The following DYNC2H1 variants were observed in gnomAD, a reference collection of about 807,000 sequenced individuals.
DYNC2H1 encodes cytoplasmic dynein 2 heavy chain 1.
DYNC2H1 carries 410 observed loss-of-function variants against 570.0 expected under a neutral mutation model. That is an observed-to-expected ratio of 0.72 (90% confidence interval 0.66 to 0.78). The LOEUF (loss-of-function observed/expected upper bound fraction) is 0.78. Ranked by LOEUF, DYNC2H1 falls within the 30% of genes least tolerant of loss-of-function variation. DYNC2H1 has a pLI of 0.00. For synonymous variants in DYNC2H1, 1,688 were observed against 1,677.6 expected (o/e 1.01, Z -0.15); for missense variants, 4,865 against 5,046.4 (o/e 0.96, Z 1.09).
At chr11:103,292,553 G>A (rs374939648) in intron 75 of DYNC2H1, among the ~76,000 whole-genome samples, 22 of 152,140 alleles carry the variant, frequency 1.4e-4, no homozygotes, top group South Asian at 1.2e-3. Context: ...TTGAATATAC[G>A]TCCCTAGCAA....
rs141699001 is a variant in DYNC2H1 at position 103,461,139 on chromosome 11, G to T, written c.12648+4783G>T. 0.01 allele frequency among the ~76,000 whole-genome samples: 1,552 copies of T among 152,294 alleles called. 18 individuals carry two copies. Among genetic ancestry groups the T allele is most frequent in the Non-Finnish European group, 0.013 (901 of 68,016 alleles). On this transcript the variant is annotated intron_variant, in intron 87 of 88. Transcript: ENST00000375735. The surrounding 1 kb of genome is among the most constrained non-coding windows in gnomAD (Gnocchi z 4.8). ...AGTTTCCAATAATGTTACCAGGGAA[G>T]AAGTCTTTGTAAGGCTTTCACTGTT...
At chr11:103,160,381 A>G (rs1199210240) in intron 28 of DYNC2H1, among the ~76,000 whole-genome samples, 1 of 152,138 alleles carries the variant, frequency 6.6e-6, no homozygotes, top group Admixed American at 6.6e-5. Context: ...TGTTGTAAAC[A>G]ATCATACAAG....
At chr11:103,143,094 C>G (rs563266501) in intron 17 of DYNC2H1, among the ~76,000 whole-genome samples, 174 bp from the exon 18 acceptor site, 2 of 152,244 alleles carry the variant, frequency 1.3e-5, no homozygotes, top group African/African-American at 4.8e-5. Flanking sequence ...TATTAAATCT[C>G]TTTTTTCTGT....
At chr11:103,223,577 TAAAATA>T (rs1565409108) in intron 59 of DYNC2H1, among the ~76,000 whole-genome samples, 3 of 142,174 alleles carry the variant, frequency 2.1e-5, no homozygotes, top group Non-Finnish European at 3.0e-5. Context: ...TAGTAGAGAC[TAAAATA>T]ACATGTTGGT....
At chr11:103,355,610 A>G (rs1024795247) in intron 82 of DYNC2H1, among the ~76,000 whole-genome samples, 2 of 152,226 alleles carry the variant, frequency 1.3e-5, no homozygotes, top group African/African-American at 2.4e-5. Context: ...CTCAGGAAAC[A>G]TAGGTGTTCC....
intron 54 of DYNC2H1, 109 bp downstream of exon 54, chr11:103,212,052 C>T (rs1251328946): frequency 1.6e-6 from 2 of 1,224,788 alleles, no homozygotes; most frequent in Non-Finnish European, 2.1e-6. Context: ...AATAAATGTA[C>T]TGTATTAAAA....
chr11:103,464,202 TAAC>T (rs1344637581), intron 87 of DYNC2H1, among the ~76,000 whole-genome samples: 6 of 152,246 alleles, frequency 3.9e-5, no homozygotes, highest in African/African-American at 1.4e-4. Context: ...CAGTACAAAA[TAAC>T]AAGAACTTCT....
rs1307975248 is a variant in DYNC2H1, at chr11:103,228,779, C to T, written c.9354-2481C>T. Among the ~76,000 whole-genome samples, 3 of 152,100 alleles carry T rather than the reference C, an allele frequency of 2.0e-5. No homozygotes were observed. Among genetic ancestry groups the T allele is most frequent in the Non-Finnish European group, 4.4e-5 (3 of 68,014 alleles). Reference sequence around the variant, plus strand: ...CTCTTCAGGTTTCTCAGGCGGTGGGCAGGGCCTTAGAGCTTTCAAGATATT... The same window carrying T: ...CTCTTCAGGTTTCTCAGGCGGTGGGTAGGGCCTTAGAGCTTTCAAGATATT... On this transcript the variant is annotated intron_variant, in intron 59 of 88. Coordinates refer to ENST00000375735, the MANE Select transcript of DYNC2H1 (RefSeq NM_001377.3). The surrounding 1 kb of genome is among the most constrained non-coding windows in gnomAD (Gnocchi z 6.1).
chr11:103,445,899 G>A (rs1366735483), intron 85 of DYNC2H1, among the ~76,000 whole-genome samples: 3 of 152,072 alleles, frequency 2.0e-5, no homozygotes, highest in Admixed American at 1.3e-4. Context: ...TGATCCGCCC[G>A]CCTCGGCCTT....
intron 87 of DYNC2H1, among the ~76,000 whole-genome samples, chr11:103,459,031 C>A (rs939443477): frequency 6.6e-6 from 1 of 151,486 alleles, no homozygotes; most frequent in Admixed American, 6.6e-5. Flanking sequence ...AATTCCAGGC[C>A]GGGCGCGGTG....
chr11:103,190,903 T>C (rs1434014649), intron 45 of DYNC2H1, among the ~76,000 whole-genome samples: 1 of 150,720 alleles, frequency 6.6e-6, no homozygotes, highest in Non-Finnish European at 1.5e-5. Context: ...GCAACCATCA[T>C]ATTTAAAGGT....
chr11:103,365,152 A>C (rs964312464), intron 83 of DYNC2H1, among the ~76,000 whole-genome samples: 2 of 152,160 alleles, frequency 1.3e-5, no homozygotes, highest in Non-Finnish European at 2.9e-5. Flanking sequence ...ATCTGAGGCC[A>C]GGAGTTCGAA....
At chr11:103,206,652 C>G (rs992445727) in intron 52 of DYNC2H1, among the ~76,000 whole-genome samples, 17 of 151,880 alleles carry the variant, frequency 1.1e-4, no homozygotes, top group Admixed American at 1.1e-3. Flanking sequence ...ATTTTAAAAA[C>G]CAAAAGAAGA....
chr11:103,415,502 C>G (rs1290118866), intron 84 of DYNC2H1, among the ~76,000 whole-genome samples: 5 of 152,186 alleles, frequency 3.3e-5, no homozygotes, highest in Admixed American at 3.3e-4. Flanking sequence ...TATGAACAGA[C>G]ACTTCTCAAA....
At chr11:103,161,840 C>T (rs1445422945) in intron 29 of DYNC2H1, among the ~76,000 whole-genome samples, 1 of 152,158 alleles carries the variant, frequency 6.6e-6, no homozygotes, top group Admixed American at 6.5e-5. Flanking sequence ...CTAAAACTAA[C>T]TAGCAATAGA....
chr11:103,171,419 C>G (rs527449042), intron 34 of DYNC2H1, among the ~76,000 whole-genome samples: 2 of 152,074 alleles, frequency 1.3e-5, no homozygotes, highest in East Asian at 3.9e-4. Context: ...CCACGCCCAG[C>G]TAATTTTTGT....
At chr11:103,438,655 G>A (rs1944146053) in intron 85 of DYNC2H1, among the ~76,000 whole-genome samples, 3 of 152,114 alleles carry the variant, frequency 2.0e-5, no homozygotes, top group African/African-American at 4.8e-5. Context: ...GGGGTTCTGT[G>A]CAAATAAGGT....
intron 79 of DYNC2H1, 89 bp downstream of exon 79, chr11:103,312,122 T>C: frequency 7.0e-7 from 1 of 1,418,944 alleles, no homozygotes; most frequent in Non-Finnish European, 9.5e-7. Flanking sequence ...GGCTCATGCC[T>C]GTAATCCCAG....
Position 103,170,739 on chromosome 11 carries a change from T to C in DYNC2H1, c.5152-147T>C. 1.4e-6 allele frequency: 1 copy of C among 726,176 alleles called. No individual in the cohort carries two copies. The highest frequency in any genetic ancestry group is 2.0e-6 in the Non-Finnish European group (1 of 512,756). The allele number at this position is 726,176 out of a possible 1,614,324, so 45.0% of individuals were successfully genotyped here. A position where few individuals can be genotyped will look rare whatever the true frequency, so the allele number is the denominator to read the frequency against. ...GAAATCAACCTGGGTTTTGAAAGAGTAGCTACTTAATCCGTATTTTAAAAT... is the reference window on the plus strand; with the variant it reads ...GAAATCAACCTGGGTTTTGAAAGAGCAGCTACTTAATCCGTATTTTAAAAT... On this transcript the variant is annotated intron_variant, in intron 33 of 88. Coordinates refer to ENST00000375735, the MANE Select transcript of DYNC2H1 (RefSeq NM_001377.3). This position sits in a 1 kb window ranked among gnomAD's most constrained non-coding sequence, Gnocchi z 4.8.
Sources: allele counts gnomAD v4.1 joint callset (sites outside exome capture counted in the v4.1 genomes callset), GRCh38; gene constraint gnomAD v4.1.1; non-coding constraint Gnocchi (gnomAD v3.1); transcripts MANE v1.5; gene names NCBI Gene and HGNC (gene_info 2026-07-23, HGNC 2026-07-21).